The following SHPK variants were observed in gnomAD, a reference collection of about 807,000 sequenced individuals.
SHPK encodes carbohydrate kinase-like protein.
A neutral mutation model predicts 46.3 loss-of-function variants in SHPK; 51 were observed. That is an observed-to-expected ratio of 1.10 (90% CI 0.88 to 1.39). The LOEUF (loss-of-function observed/expected upper bound fraction) is 1.39, where lower values mean the gene tolerates loss of function less well. Among genes scored for constraint, SHPK ranks in the 40% most tolerant of loss-of-function variants. SHPK has a pLI of 0.00. For synonymous variants in SHPK, 290 were observed against 273.9 expected (o/e 1.06, Z -0.58); for missense variants, 668 against 641.3 (o/e 1.04, Z -0.45).
intron 4 of SHPK, 92 bp from the exon 5 acceptor site, chr17:3,621,504 ATTCCTCCCTCCCTTCTTCCTTTCCT>A (rs2075401386): frequency 1.7e-6 from 2 of 1,185,666 alleles, no homozygotes; most frequent in Non-Finnish European, 2.4e-6. Context: ...CCTTCTCTCC[ATTCCTCCCTCCCTTCTTCCTTTCCT>A]TTCCTCCCTC....
At chr17:3,615,243 G>C (rs567162129) in intron 6 of SHPK, 94 bp downstream of exon 6, 2 of 1,253,332 alleles carry the variant, frequency 1.6e-6, no homozygotes, top group East Asian at 2.4e-5. Flanking sequence ...CAATGTGGAC[G>C]CTGAAACCGC....
At chr17:3,625,781 G>A (rs191548081) in intron 2 of SHPK, among the ~76,000 whole-genome samples, 110 of 152,284 alleles carry the variant, frequency 7.2e-4, no homozygotes, top group Non-Finnish European at 1.1e-3. Flanking sequence ...GGTCAGGCAC[G>A]GTGGCTCACG....
intron 3 of SHPK, 34 bp downstream of exon 3, chr17:3,624,014 C>A: frequency 6.4e-7 from 1 of 1,573,372 alleles, no homozygotes; most frequent in Non-Finnish European, 8.7e-7. Flanking sequence ...CTCCCGGAAA[C>A]CCAGCACCCG....
Position 3,619,458 on chromosome 17 carries a change from G to A in SHPK, c.823+1779C>T, listed in dbSNP as rs548530645. The A allele has an allele frequency of 1.1e-4, 137 of 1,214,212 alleles. 1 individual carries two copies. Among genetic ancestry groups the A allele is most frequent in the Middle Eastern group, 4.0e-4 (2 of 4,964 alleles). 75.2% of individuals were successfully genotyped at this position (1,214,212 alleles called of 1,614,324 possible). On this transcript the variant is annotated intron_variant, in intron 5 of 6. Transcript: ENST00000225519. ...ATTAAAAATTTGGACGGAGAGGCCG[G>A]GCACGATGGCTCACACCTGTAATCC...
chr17:3,621,445 C>G, intron 4 of SHPK, 33 bp from the exon 5 acceptor site: 1 of 1,597,806 alleles, frequency 6.3e-7, no homozygotes, highest in South Asian at 1.1e-5. Context: ...CACATGGACC[C>G]ACAGTTAGGT....
At position 3,621,300 on chromosome 17, in the gene SHPK, C is replaced by A; in HGVS notation, c.760G>T (p.Gly254Ter). The A allele has an allele frequency of 6.2e-7, 1 of 1,614,144 alleles. No individual in the cohort carries two copies. The highest frequency in any genetic ancestry group is 1.3e-5 in the African/African-American group (1 of 75,038). The change falls in exon 5 of 7, where the codon GGA becomes TGA. Residue 254 changes from glycine to a stop codon, truncating the protein, a stop_gained. Coordinates refer to ENST00000225519, the MANE Select transcript of SHPK (RefSeq NM_013276.4). LOFTEE classifies it high-confidence loss of function. Reference sequence around the variant, plus strand: ...GCCTGTAAATCACCCAAGGCCACTCCCACCTGCGTCCCCTTTGGGATTTCA... The same window carrying A: ...GCCTGTAAATCACCCAAGGCCACTCACACCTGCGTCCCCTTTGGGATTTCA... Reference protein sequence around the residue: ...WFEIPKGTQVGVALGDLQASV... With the variant: ...WFEIPKGTQV
At chr17:3,634,076 C>T (rs1193113746) in intron 1 of SHPK, among the ~76,000 whole-genome samples, 8 of 149,636 alleles carry the variant, frequency 5.3e-5, no homozygotes, top group Non-Finnish European at 5.9e-5. Flanking sequence ...GCAGCATGCC[C>T]GTTAAGAGTC....
At chr17:3,625,850 C>T (rs774614703) in intron 2 of SHPK, among the ~76,000 whole-genome samples, 35 of 152,122 alleles carry the variant, frequency 2.3e-4, no homozygotes, top group Admixed American at 6.5e-4. Context: ...GTGAGGAGTT[C>T]GAGACCAGCC....
At chr17:3,622,933 G>C (rs1307278925) in intron 4 of SHPK, among the ~76,000 whole-genome samples, 1 of 152,048 alleles carries the variant, frequency 6.6e-6, no homozygotes, top group East Asian at 1.9e-4. Context: ...TCGAACTCCT[G>C]ACCTCAGGTG....
At chr17:3,618,378 T>C (rs1030902087) in intron 5 of SHPK, among the ~76,000 whole-genome samples, 1 of 152,120 alleles carries the variant, frequency 6.6e-6, no homozygotes, top group South Asian at 2.1e-4. Context: ...GTGCGGGGAT[T>C]ACAGGTGTAA....
rs746778966 is a variant in SHPK, at chr17:3,624,026, G to A, written c.494+22C>T. 7 of 1,584,682 alleles carry A rather than the reference G, an allele frequency of 4.4e-6. No homozygotes were observed. The African/African-American group carries it at 6.7e-5, about 15-fold the overall frequency. On this transcript the variant is annotated intron_variant, in intron 3 of 6. Coordinates refer to ENST00000225519, the MANE Select transcript of SHPK (RefSeq NM_013276.4). ...ATTCTCCCGGAAACCCAGCACCCGAGTGAAAGTGCAGTTGCCCGTACCGAT... is the reference window on the plus strand; with the variant it reads ...ATTCTCCCGGAAACCCAGCACCCGAATGAAAGTGCAGTTGCCCGTACCGAT...
intron 5 of SHPK, among the ~76,000 whole-genome samples, chr17:3,620,319 G>A (rs1027263551): frequency 5.3e-5 from 8 of 151,472 alleles, no homozygotes; most frequent in Non-Finnish European, 8.8e-5. Flanking sequence ...GGAGTGCAGT[G>A]GCACGATCTC....
In SHPK at chr17:3,625,663, C is replaced by T. The variant is rs921463992; in HGVS notation, c.311-1432G>A. Among the ~76,000 whole-genome samples the T allele has an allele frequency of 2.6e-5, 4 of 152,186 alleles. No individual in the cohort carries two copies. The South Asian group carries it at 6.2e-4, about 24-fold the overall frequency. On this transcript the variant is annotated intron_variant, in intron 2 of 6. Coordinates refer to ENST00000225519, the MANE Select transcript of SHPK (RefSeq NM_013276.4). ...AAGCAGCAGTGGGCTGAGCCCTGCC[C>T]AACCCCTGACCCAAAAAATCATGAC...
rs576451451 is a variant in SHPK, at chr17:3,623,130, G to A, written c.647+209C>T. On this transcript the variant is annotated intron_variant, in intron 4 of 6. Coordinates refer to ENST00000225519, the MANE Select transcript of SHPK (RefSeq NM_013276.4). Reference sequence around the variant, plus strand: ...TGTGGAGGAGCAGGACAGCATGGCTGAGGCCCCTACCCAAGGGCTCAGGGC... The same window carrying A: ...TGTGGAGGAGCAGGACAGCATGGCTAAGGCCCCTACCCAAGGGCTCAGGGC... Among the ~76,000 whole-genome samples the A allele has an allele frequency of 5.3e-5, 8 of 152,326 alleles. No homozygotes were observed. The South Asian group carries it at 1.7e-3, about 32-fold the overall frequency.
intron 5 of SHPK, among the ~76,000 whole-genome samples, chr17:3,618,022 T>C (rs56961854): frequency 0.16 from 23,610 of 152,188 alleles, 5,131 homozygotes; most frequent in African/African-American, 0.49. Context: ...TTATGAAAAT[T>C]TCCCCTCTTG....
At chr17:3,621,873 G>T (rs1000241774) in intron 4 of SHPK, among the ~76,000 whole-genome samples, 1 of 151,458 alleles carries the variant, frequency 6.6e-6, no homozygotes, top group Admixed American at 6.6e-5. Flanking sequence ...GGCTGGTCTC[G>T]AACTCCTGAC....
chr17:3,629,530 C>T (rs1025650914), intron 2 of SHPK, among the ~76,000 whole-genome samples: 2 of 152,014 alleles, frequency 1.3e-5, no homozygotes, highest in Non-Finnish European at 2.9e-5. Flanking sequence ...GAGTTCGAGA[C>T]CAGCCTGGCC....
chr17:3,612,943 T>G (rs172752), intron 6 of SHPK, among the ~76,000 whole-genome samples: 1 of 151,938 alleles, frequency 6.6e-6, no homozygotes, highest in Admixed American at 6.6e-5. Flanking sequence ...GTAGAGACGG[T>G]GTTTCACCAT....
At chr17:3,621,132 T>C in intron 5 of SHPK, 105 bp downstream of exon 5, 1 of 929,708 alleles carries the variant, frequency 1.1e-6, no homozygotes, top group Non-Finnish European at 1.6e-6. Flanking sequence ...TCCAGCAGGA[T>C]GCCAAGACTG....
Sources: gnomAD v4.1 joint callset for allele counts (sites outside exome capture counted in the v4.1 genomes callset) on GRCh38, gnomAD v4.1.1 for gene constraint, MANE v1.5 for transcripts, NCBI Gene and HGNC (gene_info 2026-07-23, HGNC 2026-07-21) for gene names.